The following CNTLN variants were observed in gnomAD, a reference collection of about 807,000 sequenced individuals.
CNTLN encodes the protein centlein.
CNTLN carries 212 observed loss-of-function variants against 180.0 expected under a neutral mutation model. That is an observed-to-expected ratio of 1.18 (90% CI 1.05 to 1.32). The LOEUF (loss-of-function observed/expected upper bound fraction) is 1.32. CNTLN is among the 40% of genes most tolerant of loss of function. The pLI, the probability that CNTLN is intolerant of heterozygous loss-of-function variation, is 0.00. For synonymous variants in CNTLN, 722 were observed against 563.1 expected, an observed-to-expected ratio of 1.28 and a Z score of -3.99; for missense variants, 2,095 against 1,610.9, an observed-to-expected ratio of 1.30 and a Z score of -5.14.
intron 13 of CNTLN, among the ~76,000 whole-genome samples, chr9:17,376,457 A>T (rs975075045): frequency 4.8e-4 from 71 of 148,146 alleles, no homozygotes; most frequent in Non-Finnish European, 6.0e-4. Context: ...AAATTTTTTA[A>T]TTTTTTTTTT....
intron 1 of CNTLN, among the ~76,000 whole-genome samples, chr9:17,143,070 C>G (rs140199379): frequency 7.2e-5 from 11 of 152,200 alleles, no homozygotes; most frequent in African/African-American, 2.4e-4. Flanking sequence ...AGTTGCATCC[C>G]AAAATATAGG....
intron 12 of CNTLN, among the ~76,000 whole-genome samples, chr9:17,359,698 G>A (rs1368051875): frequency 1.0e-5 from 1 of 95,294 alleles, no homozygotes; most frequent in African/African-American, 3.5e-5. Context: ...TGGCTAACAC[G>A]GTGAAACTCC....
intron 18 of CNTLN, among the ~76,000 whole-genome samples, chr9:17,442,953 C>T (rs1190863427): frequency 6.6e-6 from 1 of 152,134 alleles, no homozygotes; most frequent in Non-Finnish European, 1.5e-5. Context: ...TAAAAATTAT[C>T]TTAGCAAACT....
At chr9:17,365,088 T>A (rs1257936806) in intron 12 of CNTLN, among the ~76,000 whole-genome samples, 1 of 152,200 alleles carries the variant, frequency 6.6e-6, no homozygotes, top group Non-Finnish European at 1.5e-5. Flanking sequence ...CTGATATGGT[T>A]TGGATTTGTG....
intron 2 of CNTLN, among the ~76,000 whole-genome samples, chr9:17,203,705 C>T (rs113189498): frequency 4.1e-4 from 63 of 152,182 alleles, no homozygotes; most frequent in African/African-American, 1.2e-3. Context: ...TACAGGCACC[C>T]GCCACCACGC....
rs369982294 is a variant in CNTLN, at chr9:17,330,616, A to G, written c.1342-16A>G. 319 of 1,440,526 alleles carry G rather than the reference A, an allele frequency of 2.2e-4. No individual in the cohort carries two copies. Among genetic ancestry groups the G allele is most frequent in the Non-Finnish European group, 2.9e-4 (308 of 1,058,416 alleles). 89.2% of individuals were successfully genotyped at this position (1,440,526 alleles called of 1,614,324 possible). ...CAAACATAGATATCTATTTACAATT[A>G]TACTTTTTAAAATAGGTACCTCATC... is the stretch of plus-strand genomic sequence containing the variant. On this transcript the variant is annotated splice_polypyrimidine_tract_variant and intron_variant, in intron 8 of 25. Coordinates refer to ENST00000380647, the MANE Select transcript of CNTLN (RefSeq NM_017738.4).
intron 3 of CNTLN, among the ~76,000 whole-genome samples, chr9:17,230,272 G>T (rs1009354344): frequency 1.6e-4 from 24 of 152,130 alleles, no homozygotes; most frequent in African/African-American, 5.8e-4. Flanking sequence ...GTGTTTACAT[G>T]TTGTTAGGTT....
intron 15 of CNTLN, among the ~76,000 whole-genome samples, chr9:17,407,861 C>T (rs1260063662): frequency 1.3e-5 from 2 of 152,010 alleles, no homozygotes; most frequent in East Asian, 1.9e-4. Flanking sequence ...CGTGGTGGCT[C>T]ACGCCTGTAA....
chr9:17,155,359 G>T (rs1819199953), intron 2 of CNTLN, among the ~76,000 whole-genome samples: 1 of 152,216 alleles, frequency 6.6e-6, no homozygotes. Flanking sequence ...CTGGAATGCT[G>T]TGCTGGGAGG....
intron 18 of CNTLN, among the ~76,000 whole-genome samples, chr9:17,430,049 T>C (rs1829324644): frequency 6.6e-6 from 1 of 152,040 alleles, no homozygotes; most frequent in African/African-American, 2.4e-5. Flanking sequence ...ATATTGTATT[T>C]GAATTGATTG....
intron 18 of CNTLN, among the ~76,000 whole-genome samples, chr9:17,418,790 A>G (rs10511634): frequency 0.029 from 4,427 of 152,092 alleles, 235 homozygotes; most frequent in East Asian, 0.26. Context: ...ACAGATTTCA[A>G]TATTTGGGCA....
chr9:17,362,834 AC>A, intron 12 of CNTLN, among the ~76,000 whole-genome samples: 1 of 152,138 alleles, frequency 6.6e-6, no homozygotes, highest in Non-Finnish European at 1.5e-5. Flanking sequence ...GGTTTGCTGC[AC>A]CCATCAACCC....
chr9:17,274,302 G>A (rs1005532188), intron 6 of CNTLN, among the ~76,000 whole-genome samples: 7 of 151,852 alleles, frequency 4.6e-5, no homozygotes, highest in Admixed American at 4.6e-4. Context: ...TATTCATAAA[G>A]TTGGATTACT....
intron 10 of CNTLN, among the ~76,000 whole-genome samples, chr9:17,333,977 T>G (rs1233916957): frequency 6.6e-6 from 1 of 152,160 alleles, no homozygotes. Context: ...TTAACTCTTG[T>G]GTTAATTGTA....
intron 13 of CNTLN, among the ~76,000 whole-genome samples, chr9:17,375,702 C>T (rs1035817540): frequency 2.0e-5 from 3 of 151,858 alleles, no homozygotes; most frequent in African/African-American, 4.8e-5. Context: ...TTATTTAGTT[C>T]GTATCTTTTT....
At chr9:17,246,375 T>C (rs1344561266) in intron 5 of CNTLN, among the ~76,000 whole-genome samples, 1 of 152,202 alleles carries the variant, frequency 6.6e-6, no homozygotes, top group Non-Finnish European at 1.5e-5. Flanking sequence ...ACTCTTGTTC[T>C]CTTCCCTTAC....
intron 7 of CNTLN, chr9:17,299,355 T>C (rs1374303266): frequency 2.0e-6 from 1 of 502,506 alleles, no homozygotes; most frequent in Non-Finnish European, 2.6e-6. Context: ...TCTCATTTAA[T>C]GATAGTAGTT....
chr9:17,196,211 AC>A (rs1822120597), intron 2 of CNTLN, among the ~76,000 whole-genome samples: 1 of 152,044 alleles, frequency 6.6e-6, no homozygotes, highest in South Asian at 2.1e-4. Context: ...TTTGAGAGGC[AC>A]GGGGTTTCAT....
intron 12 of CNTLN, among the ~76,000 whole-genome samples, chr9:17,354,278 G>C (rs1298101224): frequency 6.6e-6 from 1 of 152,192 alleles, no homozygotes; most frequent in Non-Finnish European, 1.5e-5. Flanking sequence ...CCCTGCTCCA[G>C]GGCGCCCAGT....
Sources: allele counts gnomAD v4.1 joint callset (sites outside exome capture counted in the v4.1 genomes callset), GRCh38; gene constraint gnomAD v4.1.1; transcripts MANE v1.5; gene names NCBI Gene and HGNC (gene_info 2026-07-23, HGNC 2026-07-21).